The following GBP1 variants were observed in gnomAD, a reference collection of about 807,000 sequenced individuals.
The protein encoded by GBP1 is guanylate binding protein 1.
GBP1 carries 64 observed loss-of-function variants against 69.5 expected under a neutral mutation model. That is an observed-to-expected ratio of 0.92 (90% CI 0.75 to 1.13). The LOEUF (loss-of-function observed/expected upper bound fraction) is 1.13. GBP1 is among the 50% of genes most tolerant of loss of function. The probability of loss-of-function intolerance (pLI) is 0.00; values close to 1 mark genes in which losing one functional copy is unlikely to be tolerated. For missense variants in GBP1, 630 were observed against 704.1 expected, an observed-to-expected ratio of 0.89 and a Z score of 1.19; for synonymous variants, 250 against 261.2, an observed-to-expected ratio of 0.96 and a Z score of 0.41.
intron 5 of GBP1, 106 bp from the exon 6 acceptor site, chr1:89,058,340 A>T: frequency 1.0e-6 from 1 of 962,162 alleles, no homozygotes; most frequent in Non-Finnish European, 1.6e-6. Flanking sequence ...TCTCTTTTCC[A>T]AGTATTCAAC....
At chr1:89,060,031 G>A (rs1424163721) in intron 3 of GBP1, among the ~76,000 whole-genome samples, 166 bp downstream of exon 3, 1 of 152,208 alleles carries the variant, frequency 6.6e-6, no homozygotes, top group Admixed American at 6.5e-5. Context: ...CTAAAGTTCT[G>A]TGCAGGATAA....
rs377430118 is a variant in GBP1, at chr1:89,054,703, C to T, written c.1644G>A (p.Arg548=). ...ATACCTGAAGTTTAAGAGCGAGGGT[C>T]CTCTCTTGCTCTTTCAGCAACTGGA... ...DRVQLLKEQE[R]TLALKLQEQE... The change falls in exon 10 of 11, where the codon AGG becomes AGA. Residue 548 remains arginine, a synonymous_variant. Coordinates refer to ENST00000370473, the MANE Select transcript of GBP1 (RefSeq NM_002053.3). The T allele has an allele frequency of 1.4e-5, 22 of 1,613,908 alleles. No homozygotes were observed. The highest frequency in any genetic ancestry group is 1.9e-5 in the Non-Finnish European group (22 of 1,179,888).
intron 1 of GBP1, among the ~76,000 whole-genome samples, chr1:89,064,648 A>T (rs1207663346): frequency 6.6e-6 from 1 of 152,206 alleles, no homozygotes; most frequent in Non-Finnish European, 1.5e-5. Context: ...TTCATCTTTC[A>T]GGCTGAGTTT....
chr1:89,060,387 G>A, intron 2 of GBP1, 63 bp from the exon 3 acceptor site: 8 of 1,405,798 alleles, frequency 5.7e-6, no homozygotes, highest in Admixed American at 5.2e-5. Context: ...GCAATTGAAG[G>A]AAAAAGTAGT....
intron 9 of GBP1, 115 bp from the exon 10 acceptor site, chr1:89,054,990 C>T (rs1680008419): frequency 7.1e-7 from 1 of 1,401,082 alleles, no homozygotes; most frequent in Non-Finnish European, 9.9e-7. Flanking sequence ...CAGAGATGAC[C>T]TCGGCAAGTA....
At position 89,055,135 on chromosome 1, in the gene GBP1, T is replaced by C. The variant is rs1428045720; in HGVS notation, c.1449A>G (p.Thr483=). 12 of 1,609,312 alleles carry C rather than the reference T, an allele frequency of 7.5e-6. No homozygotes were observed. Among genetic ancestry groups the C allele is most frequent in the Non-Finnish European group, 1.0e-5 (12 of 1,178,550 alleles). ...CACCTTCAATCTCCTTTTCTTTTTC[T>C]GTGAGAGTCTGGTCTGTCTGGAGAA... The part of the protein sequence containing the change: ...DAILQTDQTL[T]EKEKEIEVER... Residue 483 remains threonine (T), a synonymous_variant, in exon 9 of 11, where the codon ACA becomes ACG. Coordinates refer to ENST00000370473, the MANE Select transcript of GBP1 (RefSeq NM_002053.3).
At position 89,058,051 on chromosome 1, in the gene GBP1, T is replaced by C. The variant is rs1297408817; in HGVS notation, c.815A>G (p.Tyr272Cys). The C allele has an allele frequency of 6.2e-7, 1 of 1,613,970 alleles. No individual in the cohort carries two copies. Among genetic ancestry groups the C allele is most frequent in the Non-Finnish European group, 8.5e-7 (1 of 1,179,978 alleles). ...FVQQVADFCS[Y>C]IFSNSKTKTL... The stretch of plus-strand genomic sequence containing the variant: ...TTTAGTTTTGGAATTACTAAAGATG[T>C]AGGAACAGAAGTCTGCTACTTGTTG... The change falls in exon 6 of 11, where the codon TAC becomes TGC. Residue 272 changes from tyrosine to cysteine, a missense_variant. Tyr to Cys is a radical substitution (Grantham distance 194, BLOSUM62 -2). Coordinates refer to ENST00000370473, the MANE Select transcript of GBP1 (RefSeq NM_002053.3).
chr1:89,064,240 T>TGAGAGAGAGAGA (rs34743787), intron 1 of GBP1, among the ~76,000 whole-genome samples: 4 of 100,064 alleles, frequency 4.0e-5, no homozygotes, highest in African/African-American at 1.2e-4. Context: ...TGTGTGTGTG[T>TGAGAGAGAGAGA]GAGAGAGAGA....
rs745524120 is a variant in GBP1, at chr1:89,063,196, G to C, written c.39C>G (p.Leu13=). 6.2e-7 allele frequency: 1 copy of C among 1,614,088 alleles called. No individual in the cohort carries two copies. The highest frequency in any genetic ancestry group is 1.7e-5 in the Admixed American group (1 of 60,004). The change falls in exon 2 of 11, where the codon CTC becomes CTG. Residue 13 remains leucine, a synonymous_variant. Coordinates refer to ENST00000370473, the MANE Select transcript of GBP1 (RefSeq NM_002053.3). ...SEIHMTGPMC[L]IENTNGRLMA... ...TCAGTCGCCCATTAGTGTTCTCAAT[G>C]AGGCACATTGGGCCTGTCATGTGGA...
At chr1:89,056,276 T>C in intron 7 of GBP1, 48 bp from the exon 8 acceptor site, 1 of 1,613,154 alleles carries the variant, frequency 6.2e-7, no homozygotes, top group South Asian at 1.1e-5. Flanking sequence ...GAAAGGATGT[T>C]AGCTTGACCT....
chr1:89,053,356 T>C lies in GBP1; in HGVS notation c.1778A>G (p.Ter593=). The stretch of plus-strand genomic sequence containing the variant: ...GGGGTGACAGGAAGGCTCTGGTCTT[T>C]AGCTTATGGTACATGCCTTTCGTCG... The part of the protein sequence containing the change: ...MRRRKACTIS[*] The change falls in exon 11 of 11, where the codon TAA becomes TGA. Residue 593 remains the stop codon, a stop_retained_variant. Coordinates refer to ENST00000370473, the MANE Select transcript of GBP1 (RefSeq NM_002053.3). The C allele has an allele frequency of 6.2e-7, 1 of 1,611,624 alleles. No homozygotes were observed. Among genetic ancestry groups the C allele is most frequent in the Non-Finnish European group, 8.5e-7 (1 of 1,179,252 alleles).
At position 89,063,098 on chromosome 1, in the gene GBP1, A is replaced by C. The variant is rs754228273; in HGVS notation, c.137T>G (p.Leu46Arg). ...CAGGTAGGATTTGCCTGTGCGGTAG[A>C]GGCCCACAATTGCCACCACCACCAT... ...QPMVVVAIVG[L>R]YRTGKSYLMN... Residue 46 changes from leucine (L) to arginine (R), a missense_variant, in exon 2 of 11, where the codon CTC becomes CGC. Physicochemically the swap from Leu to Arg is moderately radical, Grantham distance 102 (BLOSUM62 -2). Transcript: ENST00000370473. The C allele has an allele frequency of 1.2e-6, 2 of 1,613,926 alleles. No homozygotes were observed. Among genetic ancestry groups the C allele is most frequent in the Non-Finnish European group, 8.5e-7 (1 of 1,179,974 alleles).
intron 2 of GBP1, among the ~76,000 whole-genome samples, chr1:89,061,846 C>G (rs1421107851): frequency 1.3e-5 from 2 of 151,958 alleles, no homozygotes; most frequent in African/African-American, 2.4e-5. Flanking sequence ...GAACAATGGA[C>G]TTGAATAGAC....
In GBP1 at chr1:89,057,072, C is replaced by G. The variant is rs1184989863; in HGVS notation, c.937G>C (p.Glu313Gln). Residue 313 changes from glutamate to glutamine, a missense_variant, in exon 7 of 11, where the codon GAG becomes CAG. By Grantham distance (29) the Glu-to-Gln change is conservative. This residue lies in a region of GBP1 where 367 missense variants were observed against 369.5 expected (regional missense o/e 0.99). Transcript: ENST00000370473. ...AISSGDLPCMENAVLALAQIE... is the reference protein window; with the variant it reads ...AISSGDLPCMQNAVLALAQIE... ...TGGGCCAAGGCCAGGACTGCGTTCT[C>G]CATGCACGGCAGATCCCCACTGCTG... 2 of 1,614,254 alleles carry G rather than the reference C, an allele frequency of 1.2e-6. No homozygotes were observed.
Position 89,054,827 on chromosome 1 carries a change from T to G in GBP1, c.1520A>C (p.Gln507Pro). Residue 507 changes from glutamine (Q) to proline (P), a missense_variant, in exon 10 of 11, where the codon CAG becomes CCG. By Grantham distance (76) the Gln-to-Pro change is moderately conservative. This residue lies in a region of GBP1 where 35 missense variants were observed against 68.6 expected (regional missense o/e 0.51). Transcript: ENST00000370473. ...CTGCTCATTCTTTCTTTGCATTTCC[T>G]GCAACATTTTTGCTGAAGCCTGTGC... ...ESAQASAKML[Q>P]EMQRKNEQMM... 1.2e-6 allele frequency: 2 copies of G among 1,614,266 alleles called. No homozygotes were observed. The highest frequency in any genetic ancestry group is 1.7e-6 in the Non-Finnish European group (2 of 1,180,042).
chr1:89,054,787 C>T lies in GBP1; in HGVS notation c.1560G>A (p.Lys520=), dbSNP rs142843705. The change falls in exon 10 of 11, where the codon AAG becomes AAA. Residue 520 remains lysine, a synonymous_variant. Coordinates refer to ENST00000370473, the MANE Select transcript of GBP1 (RefSeq NM_002053.3). ...TCAAGTGTTCCTGATAACTCCTCTCCTTCTGTTCCATCATCTGCTCATTCT... is the reference window on the plus strand; with the variant it reads ...TCAAGTGTTCCTGATAACTCCTCTCTTTCTGTTCCATCATCTGCTCATTCT... ...QRKNEQMMEQ[K]ERSYQEHLKQ... is the part of the protein sequence containing the mutation. The T allele has an allele frequency of 6.2e-7, 1 of 1,614,104 alleles. No homozygotes were observed. The highest frequency in any genetic ancestry group is 8.5e-7 in the Non-Finnish European group (1 of 1,180,028).
At chr1:89,055,247 A>G (rs2101221022) in intron 8 of GBP1, 32 bp from the exon 9 acceptor site, 1 of 1,612,154 alleles carries the variant, frequency 6.2e-7, no homozygotes, top group East Asian at 2.2e-5. Flanking sequence ...AGTGAGAAGT[A>G]GGAAATGGCT....
rs1000678072 is a variant in GBP1, at chr1:89,057,253, C to T, written c.875-119G>A. ...CACAGCATCAATGTCCTCAGCATCA[C>T]TTGGAAGCTTGCTGGAAATAGACTC... On this transcript the variant is annotated intron_variant, in intron 6 of 10. Transcript: ENST00000370473. The T allele has an allele frequency of 7.3e-6, 10 of 1,361,040 alleles. No individual in the cohort carries two copies. In the African/African-American group the frequency reaches 1.5e-4, roughly 20 times the overall value. The allele number at this position is 1,361,040 out of a possible 1,614,324, so 84.3% of individuals were successfully genotyped here. A position where few individuals can be genotyped will look rare whatever the true frequency, so the allele number is the denominator to read the frequency against.
intron 10 of GBP1, 35 bp from the exon 11 acceptor site, chr1:89,053,503 AG>A: frequency 6.3e-7 from 1 of 1,590,600 alleles, no homozygotes; most frequent in Non-Finnish European, 8.5e-7. Context: ...AGTAAAGTGT[AG>A]CATCAGGCAA....
Sources: gnomAD v4.1 joint callset for allele counts (sites outside exome capture counted in the v4.1 genomes callset) on GRCh38, gnomAD v4.1.1 for gene constraint, gnomAD v4.1.1 regional missense constraint, MANE v1.5 for transcripts, NCBI Gene and HGNC (gene_info 2026-07-23, HGNC 2026-07-21) for gene names.